Variants in PTCH2 observed in about 807,000 individuals in gnomAD.
PTCH2 encodes the protein protein patched homolog 2.
A neutral mutation model predicts 117.9 loss-of-function variants in PTCH2; 96 were observed. The observed-to-expected ratio is 0.81, with a 90% CI of 0.69 to 0.96. PTCH2 has a LOEUF of 0.96. PTCH2 is among the 50% of genes least tolerant of loss of function. The pLI is 0.00. For missense variants in PTCH2, 1,379 were observed against 1,562.5 expected (o/e 0.88, Z 1.98); for synonymous variants, 615 against 660.9 (o/e 0.93, Z 1.06).
chr1:44,820,268 T>C (rs943228931), downstream of PTCH2: 2 of 424,624 alleles, frequency 4.7e-6, no homozygotes, highest in South Asian at 3.3e-5. Context: ...GTCACTGATC[T>C]CCTTTGCTCT....
chr1:44,822,808 C>T lies in PTCH2; in HGVS notation c.3358-139G>A, dbSNP rs561659802. On this transcript the variant is annotated intron_variant, in intron 21 of 21. Coordinates refer to ENST00000372192, the MANE Select transcript of PTCH2 (RefSeq NM_003738.5). ...CCAGCAGGATATGAGAGCTGGCAGG[C>T]GACAGGATGTTGAGGCCTGGGGCAA... 1,925 of 987,476 alleles carry T rather than the reference C, an allele frequency of 1.9e-3. 3 individuals carry two copies. The highest frequency in any genetic ancestry group is 2.5e-3 in the Non-Finnish European group (1,606 of 641,220). 61.2% of individuals were successfully genotyped at this position (987,476 alleles called of 1,614,324 possible).
downstream of PTCH2, chr1:44,820,275 C>T (rs1280021891): frequency 6.7e-6 from 3 of 444,908 alleles, no homozygotes; most frequent in Admixed American, 2.5e-5. Flanking sequence ...ATCTCCTTTG[C>T]TCTCCTATGC....
chr1:44,823,000 C>T (rs1428350408), intron 21 of PTCH2, 69 bp downstream of exon 21: 7 of 1,529,290 alleles, frequency 4.6e-6, no homozygotes, highest in Non-Finnish European at 6.2e-6. Context: ...GGCTCTGTCC[C>T]TTCCCTTGCC....
At chr1:44,842,813 C>A (rs1354971125) in intron 1 of PTCH2, 48 bp downstream of exon 1, 3 of 1,507,120 alleles carry the variant, frequency 2.0e-6, no homozygotes, top group Non-Finnish European at 2.7e-6. Context: ...GCCCGAGTGA[C>A]AGACCTGGCT....
chr1:44,839,897 C>G (rs1479004362), intron 2 of PTCH2, among the ~76,000 whole-genome samples: 1 of 152,064 alleles, frequency 6.6e-6, no homozygotes, highest in African/African-American at 2.4e-5. Context: ...TGAGAAACAT[C>G]TGCTGTGGAT....
chr1:44,834,292 A>G (rs556567945), intron 2 of PTCH2, among the ~76,000 whole-genome samples: 2 of 151,784 alleles, frequency 1.3e-5, no homozygotes, highest in East Asian at 1.9e-4. Context: ...GCTAATTTTT[A>G]TATTATTAGT....
downstream of PTCH2, chr1:44,820,182 A>G: frequency 2.8e-6 from 1 of 351,516 alleles, no homozygotes; most frequent in South Asian, 2.1e-5. Context: ...TCTTGAGGGT[A>G]TCTTTTCGTG....
chr1:44,821,593 G>A (rs777588947), downstream of PTCH2, among the ~76,000 whole-genome samples: 3 of 152,162 alleles, frequency 2.0e-5, no homozygotes, highest in East Asian at 1.9e-4. Context: ...TTTCCCGTGC[G>A]GGTGAAGCAG....
At chr1:44,842,835 C>T (rs2148887039) in intron 1 of PTCH2, 26 bp downstream of exon 1, 2 of 1,541,958 alleles carry the variant, frequency 1.3e-6, no homozygotes, top group South Asian at 1.2e-5. Flanking sequence ...CGCTCTCTTC[C>T]TTCTTCCAGC....
rs1050934148 is a variant in PTCH2 at position 44,823,831 on chromosome 1, T to C, written c.3115-446A>G. ...GTGTGTGCCTGTAGTCTCAGCTACT[T>C]GGGAGGCTGAGGTGGGAGGATCGCT... On this transcript the variant is annotated intron_variant, in intron 19 of 21. Coordinates refer to ENST00000372192, the MANE Select transcript of PTCH2 (RefSeq NM_003738.5). This position sits in a 1 kb window ranked among gnomAD's most constrained non-coding sequence, Gnocchi z 5.1. Among the ~76,000 whole-genome samples the C allele has an allele frequency of 2.0e-5, 3 of 152,020 alleles. No homozygotes were observed. Among genetic ancestry groups the C allele is most frequent in the Non-Finnish European group, 4.4e-5 (3 of 68,026 alleles).
Position 44,826,130 on chromosome 1 carries a change from G to C in PTCH2, c.3114+120C>G. On this transcript the variant is annotated intron_variant, in intron 19 of 21. Transcript: ENST00000372192. This position sits in a 1 kb window ranked among gnomAD's most constrained non-coding sequence, Gnocchi z 5.1. ...CAAAGTGCTGGGATTACAGGAATGA[G>C]CTACCACGTCCACCCAGCCCAAATT... is the stretch of plus-strand genomic sequence containing the variant. The C allele has an allele frequency of 7.4e-7, 1 of 1,349,236 alleles. No homozygotes were observed. Among genetic ancestry groups the C allele is most frequent in the Non-Finnish European group, 1.0e-6 (1 of 971,502 alleles). The allele number at this position is 1,349,236 out of a possible 1,614,324, so 83.6% of individuals were successfully genotyped here.
Position 44,840,221 on chromosome 1 carries a change from G to A in PTCH2, c.265+1626C>T, listed in dbSNP as rs904796956. ...AGGTTCAAGCAATTCTCCTGTCTCCGCTTCCCAAGTAGCTGGGACTACAGG... is the reference window on the plus strand; with the variant it reads ...AGGTTCAAGCAATTCTCCTGTCTCCACTTCCCAAGTAGCTGGGACTACAGG... On this transcript the variant is annotated intron_variant, in intron 2 of 21. Coordinates refer to ENST00000372192, the MANE Select transcript of PTCH2 (RefSeq NM_003738.5). Among the ~76,000 whole-genome samples, 18 of 150,334 alleles carry A rather than the reference G, an allele frequency of 1.2e-4. No homozygotes were observed. In the East Asian group the frequency reaches 2.4e-3, roughly 20 times the overall value.
rs550457173 is a variant in PTCH2, at chr1:44,829,779, G to A, written c.936-18C>T. The A allele has an allele frequency of 5.0e-6, 8 of 1,614,178 alleles. No homozygotes were observed. The highest frequency in any genetic ancestry group is 1.7e-5 in the Admixed American group (1 of 60,032). ...CCTCTGCCCTGGTGGGGGTGTGGGAGAACCAGGGGTCAGAGCTGGCCCAAA... is the reference window on the plus strand; with the variant it reads ...CCTCTGCCCTGGTGGGGGTGTGGGAAAACCAGGGGTCAGAGCTGGCCCAAA... On this transcript the variant is annotated intron_variant, in intron 7 of 21. Coordinates refer to ENST00000372192, the MANE Select transcript of PTCH2 (RefSeq NM_003738.5).
chr1:44,820,824 C>A, downstream of PTCH2: 1 of 640,546 alleles, frequency 1.6e-6, no homozygotes, highest in South Asian at 1.8e-5. Flanking sequence ...TGAGCTCTCT[C>A]TGCTCCACCT....
intron 2 of PTCH2, 55 bp downstream of exon 2, chr1:44,841,792 T>C: frequency 6.3e-7 from 1 of 1,596,714 alleles, no homozygotes; most frequent in Non-Finnish European, 8.6e-7. Flanking sequence ...CCTCACCCCG[T>C]TCTTGTCTTG....
rs1039984032 is a variant in PTCH2 at position 44,826,145 on chromosome 1, C to G, written c.3114+105G>C. 1.4e-6 allele frequency: 2 copies of G among 1,474,260 alleles called. No homozygotes were observed. Among genetic ancestry groups the G allele is most frequent in the African/African-American group, 2.8e-5 (2 of 71,618 alleles). 91.3% of individuals were successfully genotyped at this position (1,474,260 alleles called of 1,614,324 possible). On this transcript the variant is annotated intron_variant, in intron 19 of 21. Coordinates refer to ENST00000372192, the MANE Select transcript of PTCH2 (RefSeq NM_003738.5). The surrounding 1 kb of genome is among the most constrained non-coding windows in gnomAD (Gnocchi z 5.1). ...ACAGGAATGAGCTACCACGTCCACCCAGCCCAAATTCTTAAATAGTACCTA... is the reference window on the plus strand; with the variant it reads ...ACAGGAATGAGCTACCACGTCCACCGAGCCCAAATTCTTAAATAGTACCTA...
At chr1:44,842,736 T>C (rs1654010367) in intron 1 of PTCH2, 125 bp downstream of exon 1, 1 of 958,084 alleles carries the variant, frequency 1.0e-6, no homozygotes, top group Non-Finnish European at 1.6e-6. Flanking sequence ...CTTGCGGTGC[T>C]GGCTCTCACT....
chr1:44,829,810 G>T, intron 7 of PTCH2, 49 bp from the exon 8 acceptor site: 2 of 1,614,076 alleles, frequency 1.2e-6, no homozygotes, highest in Non-Finnish European at 1.7e-6. Flanking sequence ...CCAAACACCT[G>T]GTGAGGGATG....
rs753624626 is a variant in PTCH2 at position 44,827,988 on chromosome 1, G to C, written c.1913C>G (p.Pro638Arg). The change falls in exon 14 of 22, where the codon CCT becomes CGT. Residue 638 changes from proline (P) to arginine (R), a missense_variant. Physicochemically the swap from Pro to Arg is moderately radical, Grantham distance 103 (BLOSUM62 -2). Coordinates refer to ENST00000372192, the MANE Select transcript of PTCH2 (RefSeq NM_003738.5). ...SDPLGSELFS[P>R]GGSTRDLLGQ... ...TAGAAGGTCCCGTGTGGACCCTCCAGGGCTGAAGAGCTCAGAGCCCAGTGG... is the reference window on the plus strand; with the variant it reads ...TAGAAGGTCCCGTGTGGACCCTCCACGGCTGAAGAGCTCAGAGCCCAGTGG... 1.3e-5 allele frequency: 21 copies of C among 1,614,070 alleles called. No individual in the cohort carries two copies. In the East Asian group the frequency reaches 4.5e-4, roughly 34 times the overall value.
Sources: gnomAD v4.1 joint callset for allele counts (sites outside exome capture counted in the v4.1 genomes callset) on GRCh38, gnomAD v4.1.1 for gene constraint, Gnocchi (gnomAD v3.1) non-coding constraint, MANE v1.5 for transcripts, NCBI Gene and HGNC (gene_info 2026-07-23, HGNC 2026-07-21) for gene names.